PARPBP: variants seen among roughly 807,000 people sequenced by gnomAD.
PARPBP encodes the protein PCNA-interacting partner.
PARPBP carries 52 observed loss-of-function variants against 50.0 expected under a neutral mutation model. The observed-to-expected ratio is 1.04, with a 90% CI of 0.83 to 1.31. PARPBP has a LOEUF of 1.31. Ranked by LOEUF, PARPBP falls within the 50% of genes most tolerant of loss-of-function variation. The pLI is 0.00. For synonymous variants in PARPBP, 244 were observed against 232.1 expected, an observed-to-expected ratio of 1.05 and a Z score of -0.47; for missense variants, 697 against 672.0, an observed-to-expected ratio of 1.04 and a Z score of -0.41.
Position 102,195,380 on chromosome 12 carries a change from T to A in PARPBP, c.1332T>A (p.Asp444Glu), listed in dbSNP as rs762898732. Residue 444 changes from aspartate (D) to glutamate (E), a missense_variant, in exon 10 of 11, where the codon GAT becomes GAA. Asp to Glu is a conservative substitution (Grantham distance 45, BLOSUM62 2). Coordinates refer to ENST00000327680, the MANE Select transcript of PARPBP (RefSeq NM_017915.5). ...AAGATGACTACATGATAAGCAAGGA[T>A]AATTGGAATAATGTTAATTTAGCAT... is the stretch of plus-strand genomic sequence containing the variant. Reference protein sequence around the residue: ...TYKDDYMISKDNWNNVNLASK... With the variant: ...TYKDDYMISKENWNNVNLASK... 1.4e-5 allele frequency: 22 copies of A among 1,588,508 alleles called. No individual in the cohort carries two copies. The highest frequency in any genetic ancestry group is 1.5e-5 in the Non-Finnish European group (17 of 1,161,472).
chr12:102,150,245 A>C (rs1017474047), intron 3 of PARPBP: 1 of 455,450 alleles, frequency 2.2e-6, no homozygotes, highest in African/African-American at 2.0e-5. Context: ...TTAATCTCTG[A>C]TACTATTGTT....
Position 102,197,336 on chromosome 12 carries a change from TA to T in PARPBP, c.*1047del. ...TTATAGGAGAAAAAACACTTTCAGA[TA>T]AGAGGTGTTTGCTGGGATGGAAGAA... On this transcript the variant is annotated 3_prime_UTR_variant, in exon 11 of 11. Transcript: ENST00000327680. The T allele has an allele frequency of 1.2e-6, 1 of 812,104 alleles. No homozygotes were observed. The highest frequency in any genetic ancestry group is 1.9e-6 in the Non-Finnish European group (1 of 526,516). 50.3% of individuals were successfully genotyped at this position (812,104 alleles called of 1,614,324 possible).
chr12:102,127,083 T>C (rs1364109629), intron 2 of PARPBP, among the ~76,000 whole-genome samples: 1 of 152,182 alleles, frequency 6.6e-6, no homozygotes, highest in East Asian at 1.9e-4. Flanking sequence ...ATTTTTATCT[T>C]ACACGTGGCA....
intron 2 of PARPBP, among the ~76,000 whole-genome samples, chr12:102,144,115 A>T (rs1305504357): frequency 6.6e-6 from 1 of 152,214 alleles, no homozygotes; most frequent in African/African-American, 2.4e-5. Context: ...CAGGGGTTTC[A>T]GTATCTTACT....
chr12:102,126,171 C>A (rs3953486), intron 2 of PARPBP, among the ~76,000 whole-genome samples: 3,432 of 152,190 alleles, frequency 0.023, 116 homozygotes, highest in African/African-American at 0.067. Context: ...AGAAAGGGTT[C>A]CTGATTCAGC....
In PARPBP at chr12:102,196,450, A is replaced by AAGTC; in HGVS notation, c.*161_*164dup. 1.4e-6 allele frequency: 1 copy of AAGTC among 712,940 alleles called. No individual in the cohort carries two copies. The highest frequency in any genetic ancestry group is 1.8e-5 in the South Asian group (1 of 55,440). The allele number at this position is 712,940 out of a possible 1,614,324, so 44.2% of individuals were successfully genotyped here. A position where few individuals can be genotyped will look rare whatever the true frequency, so the allele number is the denominator to read the frequency against. On this transcript the variant is annotated 3_prime_UTR_variant, in exon 11 of 11. Coordinates refer to ENST00000327680, the MANE Select transcript of PARPBP (RefSeq NM_017915.5). Reference sequence around the variant, plus strand: ...TTAAGCATTGTTTAAAAATACTAGTAAGTCATAATTATGCAGAATTTTCAC... The same window carrying AAGTC: ...TTAAGCATTGTTTAAAAATACTAGTAAGTCAGTCATAATTATGCAGAATTTTCAC...
rs80135324 is a variant in PARPBP at position 102,148,381 on chromosome 12, G to A, written c.305G>A (p.Ser102Asn). 1.0e-3 allele frequency: 1,655 copies of A among 1,586,638 alleles called. 19 individuals are homozygous for A. The African/African-American group carries it at 0.02, about 19-fold the overall frequency. ...ATTTATGATGATTTCTTGAAGAACA[G>A]TAATATGTTAGATCTGATTGATGTT... The part of the protein sequence containing the change: ...RKIYDDFLKN[S>N]NMLDLIDVYQ... Residue 102 changes from serine to asparagine, a missense_variant, in exon 3 of 11, where the codon AGT (serine) becomes AAT (asparagine). Physicochemically the swap from Ser to Asn is conservative, Grantham distance 46. Coordinates refer to ENST00000327680, the MANE Select transcript of PARPBP (RefSeq NM_017915.5).
chr12:102,181,033 A>C (rs762442266), intron 8 of PARPBP, among the ~76,000 whole-genome samples: 2 of 152,202 alleles, frequency 1.3e-5, no homozygotes, highest in African/African-American at 2.4e-5. Flanking sequence ...TCTGAATCCA[A>C]AACTATAGGG....
chr12:102,148,158 T>A, intron 2 of PARPBP, 72 bp from the exon 3 acceptor site: 1 of 584,846 alleles, frequency 1.7e-6, no homozygotes. Context: ...GTATTTCTTA[T>A]CTCAGTTATA....
intron 9 of PARPBP, among the ~76,000 whole-genome samples, chr12:102,184,299 TTC>T (rs1375358717): frequency 6.6e-6 from 1 of 152,140 alleles, no homozygotes; most frequent in African/African-American, 2.4e-5. Flanking sequence ...GGGGTATCCA[TTC>T]TCTCAAGCAT....
chr12:102,180,961 G>A (rs896192497), intron 8 of PARPBP, among the ~76,000 whole-genome samples: 1 of 152,072 alleles, frequency 6.6e-6, no homozygotes, highest in Admixed American at 6.5e-5. Flanking sequence ...TTGAGTCAAG[G>A]GGGTTCTAAT....
At position 102,197,136 on chromosome 12, in the gene PARPBP, A is replaced by G; in HGVS notation, c.*845A>G. The G allele has an allele frequency of 1.2e-6, 2 of 1,612,078 alleles. No individual in the cohort carries two copies. The highest frequency in any genetic ancestry group is 1.7e-6 in the Non-Finnish European group (2 of 1,178,558). ...GTTTTATAGCCAGATTCAGTGGCAG[A>G]CCATGATTTAAGAAATTATGTTTGG... On this transcript the variant is annotated 3_prime_UTR_variant, in exon 11 of 11. Transcript: ENST00000327680.
At chr12:102,163,149 A>G (rs896006732) in intron 4 of PARPBP, among the ~76,000 whole-genome samples, 1 of 152,222 alleles carries the variant, frequency 6.6e-6, no homozygotes, top group Non-Finnish European at 1.5e-5. Flanking sequence ...TTTGTGAAAA[A>G]TCAGATTGCT....
chr12:102,164,382 A>T, intron 4 of PARPBP, 56 bp from the exon 5 acceptor site: 1 of 1,292,654 alleles, frequency 7.7e-7, no homozygotes, highest in Non-Finnish European at 1.1e-6. Context: ...TATGAAAAAG[A>T]TTATGGATTT....
intron 10 of PARPBP, 31 bp from the exon 11 acceptor site, chr12:102,195,920 A>G (rs1891269914): frequency 7.2e-7 from 1 of 1,383,506 alleles, no homozygotes; most frequent in Non-Finnish European, 9.9e-7. Context: ...ATATCATGTA[A>G]TTCCTTTCCC....
chr12:102,181,047 G>A (rs571687226), intron 8 of PARPBP, among the ~76,000 whole-genome samples: 1 of 152,206 alleles, frequency 6.6e-6, no homozygotes, highest in Non-Finnish European at 1.5e-5. Context: ...TATAGGGTGG[G>A]TCTTCTCCTT....
intron 4 of PARPBP, among the ~76,000 whole-genome samples, chr12:102,162,627 C>T (rs923104227): frequency 1.1e-4 from 16 of 152,072 alleles, no homozygotes; most frequent in Non-Finnish European, 1.9e-4. Flanking sequence ...TCAACACCAA[C>T]CTGGGCAACA....
intron 2 of PARPBP, among the ~76,000 whole-genome samples, chr12:102,138,102 C>G (rs934327300): frequency 2.6e-5 from 4 of 152,194 alleles, no homozygotes; most frequent in African/African-American, 9.7e-5. Flanking sequence ...AATGAATGAA[C>G]TAGTTTACAG....
intron 1 of PARPBP, among the ~76,000 whole-genome samples, chr12:102,123,342 C>T (rs1014018432): frequency 6.6e-6 from 1 of 152,164 alleles, no homozygotes; most frequent in Non-Finnish European, 1.5e-5. Flanking sequence ...CTTCTGCACA[C>T]ACCACTTAAG....
Sources: allele counts gnomAD v4.1 joint callset (sites outside exome capture counted in the v4.1 genomes callset), GRCh38; gene constraint gnomAD v4.1.1; transcripts MANE v1.5; gene names NCBI Gene and HGNC (gene_info 2026-07-23, HGNC 2026-07-21).